STXBP4: variants seen among roughly 807,000 people sequenced by gnomAD.
STXBP4 encodes syntaxin binding protein 4.
STXBP4 carries 55 observed loss-of-function variants against 76.1 expected under a neutral mutation model. That is an observed-to-expected ratio of 0.72 (90% CI 0.58 to 0.91). The LOEUF (loss-of-function observed/expected upper bound fraction) is 0.91, where lower values mean the gene tolerates loss of function less well. Ranked by LOEUF, STXBP4 falls within the 40% of genes least tolerant of loss-of-function variation. The pLI, the probability that STXBP4 is intolerant of heterozygous loss-of-function variation, is 0.00. For synonymous variants in STXBP4, 201 were observed against 220.2 expected (o/e 0.91, Z 0.77); for missense variants, 618 against 636.9 (o/e 0.97, Z 0.32).
chr17:55,093,503 A>G (rs1003028252), intron 16 of STXBP4, among the ~76,000 whole-genome samples: 1 of 152,182 alleles, frequency 6.6e-6, no homozygotes, highest in African/African-American at 2.4e-5. Context: ...TGGTGACTTG[A>G]TTATTCAAAG....
chr17:54,997,512 A>T (rs571302512), intron 4 of STXBP4, among the ~76,000 whole-genome samples: 103 of 141,082 alleles, frequency 7.3e-4, no homozygotes, highest in Middle Eastern at 7.2e-3. Context: ...AAAATCAAAA[A>T]TTTTTTTTAA....
intron 16 of STXBP4, among the ~76,000 whole-genome samples, chr17:55,114,925 T>A (rs2079763562): frequency 6.6e-6 from 1 of 151,920 alleles, no homozygotes; most frequent in African/African-American, 2.4e-5. Context: ...GAATTGGAGC[T>A]CAGAAAAAAA....
intron 8 of STXBP4, among the ~76,000 whole-genome samples, chr17:55,029,049 T>TA (rs2078462327): frequency 7.4e-6 from 1 of 135,596 alleles, no homozygotes; most frequent in African/African-American, 2.9e-5. Context: ...GTTCTGTAAT[T>TA]TAAAAAAAAA....
intron 8 of STXBP4, among the ~76,000 whole-genome samples, chr17:55,021,843 ACT>A (rs1425882482): frequency 1.3e-5 from 2 of 152,168 alleles, no homozygotes; most frequent in African/African-American, 4.8e-5. Flanking sequence ...AACGAAAATG[ACT>A]CAAGAATAGT....
At chr17:55,206,545 AC>A in the STXBP4 span, among the ~76,000 whole-genome samples, 4 of 152,210 alleles carry the variant, frequency 2.6e-5, no homozygotes, top group Non-Finnish European at 5.9e-5. Context: ...GATGACTCCA[AC>A]AGGGTCAAGT....
chr17:55,080,407 A>C (rs2079241100), intron 15 of STXBP4, among the ~76,000 whole-genome samples: 1 of 152,204 alleles, frequency 6.6e-6, no homozygotes, highest in Non-Finnish European at 1.5e-5. Flanking sequence ...GCTTAGGAAG[A>C]TGGAGTATAA....
At chr17:55,102,632 G>C (rs765281377) in intron 16 of STXBP4, among the ~76,000 whole-genome samples, 15 of 152,214 alleles carry the variant, frequency 9.9e-5, no homozygotes, top group Middle Eastern at 3.4e-3. Context: ...AATCCTTTGG[G>C]TATATACGCA....
At position 55,153,768 on chromosome 17, in the gene STXBP4, G is replaced by A. The variant is rs185125189; in HGVS notation, c.1548-6029G>A. ...CTTCTACTCGCAGGGGGAATTTAAC[G>A]TGGAAACGTTGACAGTGGTCTTATG... On this transcript the variant is annotated intron_variant, in intron 17 of 17. Transcript: ENST00000376352. Among the ~76,000 whole-genome samples the A allele has an allele frequency of 8.9e-4, 136 of 152,260 alleles. 1 individual carries two copies. Among genetic ancestry groups the A allele is most frequent in the Middle Eastern group, 3.4e-3 (1 of 294 alleles).
At chr17:55,035,186 C>T (rs757598464) in intron 10 of STXBP4, among the ~76,000 whole-genome samples, 74 of 151,692 alleles carry the variant, frequency 4.9e-4, no homozygotes, top group Non-Finnish European at 9.3e-4. Flanking sequence ...ACCTTAAAAT[C>T]GACTTAGTCT....
intron 16 of STXBP4, among the ~76,000 whole-genome samples, chr17:55,099,997 C>T (rs532455525): frequency 3.9e-5 from 6 of 152,112 alleles, no homozygotes; most frequent in African/African-American, 1.2e-4. Context: ...GAGGATGATA[C>T]ACCATAATGA....
intron 16 of STXBP4, among the ~76,000 whole-genome samples, chr17:55,129,158 C>A (rs2787491): frequency 6.6e-6 from 1 of 151,496 alleles, no homozygotes; most frequent in African/African-American, 2.4e-5. Flanking sequence ...TCGATCTCTT[C>A]ACCTTGTGAT....
intron 16 of STXBP4, among the ~76,000 whole-genome samples, chr17:55,087,454 A>T (rs2079350949): frequency 6.6e-6 from 1 of 152,034 alleles, no homozygotes; most frequent in African/African-American, 2.4e-5. Context: ...GTATAGGGTC[A>T]TTCATCTGCA....
intron 10 of STXBP4, among the ~76,000 whole-genome samples, chr17:55,036,023 T>G (rs1428730532): frequency 6.6e-6 from 1 of 152,058 alleles, no homozygotes; most frequent in Admixed American, 6.6e-5. Flanking sequence ...TGAGAACACT[T>G]AAAATCTGCT....
intron 12 of STXBP4, among the ~76,000 whole-genome samples, chr17:55,071,483 C>T (rs1429683608): frequency 2.0e-5 from 3 of 152,158 alleles, no homozygotes; most frequent in African/African-American, 7.2e-5. Context: ...TAGAAAGCTC[C>T]TCCTTGGGAA....
At chr17:55,069,323 T>A (rs1485743227) in intron 12 of STXBP4, among the ~76,000 whole-genome samples, 1 of 152,140 alleles carries the variant, frequency 6.6e-6, no homozygotes, top group East Asian at 1.9e-4. Context: ...CTAAACTGAA[T>A]TAAACTCTAT....
chr17:55,165,376 C>A lies in STXBP4; in HGVS notation c.*5465C>A, dbSNP rs1407251920. On this transcript the variant is annotated 3_prime_UTR_variant, in exon 18 of 18. Coordinates refer to ENST00000376352, the MANE Select transcript of STXBP4 (RefSeq NM_178509.6). ...GCAGCAAAACCTCAATTACATTTGT[C>A]CCCTAGAATGGAAATGATTATGTGG... 6.6e-6 allele frequency: 1 copy of A among 152,184 alleles called. No homozygotes were observed. The highest frequency in any genetic ancestry group is 1.9e-4 in the East Asian group (1 of 5,194). 9.4% of individuals were successfully genotyped at this position (152,184 alleles called of 1,614,324 possible).
chr17:55,191,335 G>A, the STXBP4 span, among the ~76,000 whole-genome samples: 125 of 152,256 alleles, frequency 8.2e-4, 1 homozygote, highest in East Asian at 0.015. Flanking sequence ...TAAGTCCGGG[G>A]TGGGACCTGA....
rs536291622 is a variant in STXBP4 at position 55,094,807 on chromosome 17, A to G, written c.1489+13624A>G. On this transcript the variant is annotated intron_variant, in intron 16 of 17. Coordinates refer to ENST00000376352, the MANE Select transcript of STXBP4 (RefSeq NM_178509.6). ...CAGCAATCTACTAATCTGTATTGGT[A>G]CACAGGAAGCAAACATAGACAGTTC... 3.9e-5 allele frequency among the ~76,000 whole-genome samples: 6 copies of G among 152,334 alleles called. No individual in the cohort carries two copies. In the South Asian group the frequency reaches 1.2e-3, roughly 32 times the overall value.
the STXBP4 span, among the ~76,000 whole-genome samples, chr17:55,206,245 C>G: frequency 9.9e-5 from 15 of 152,210 alleles, no homozygotes; most frequent in East Asian, 2.9e-3. Context: ...GTTGAGAGAG[C>G]TGAACCCAGT....
Sources: gnomAD v4.1 joint callset for allele counts (sites outside exome capture counted in the v4.1 genomes callset) on GRCh38, gnomAD v4.1.1 for gene constraint, MANE v1.5 for transcripts, NCBI Gene and HGNC (gene_info 2026-07-23, HGNC 2026-07-21) for gene names.